Variants in CATSPERD observed in about 807,000 individuals in gnomAD.
CATSPERD encodes the protein cation channel sperm-associated auxiliary subunit delta.
A neutral mutation model predicts 98.1 loss-of-function variants in CATSPERD; 86 were observed. The ratio of observed to expected loss-of-function variants is 0.88; its 90% confidence interval spans 0.74 to 1.05. The LOEUF (loss-of-function observed/expected upper bound fraction) is 1.05, where lower values mean the gene tolerates loss of function less well. Ranked by LOEUF, CATSPERD falls within the 50% of genes least tolerant of loss-of-function variation. CATSPERD has a pLI of 0.00. For synonymous variants in CATSPERD, 394 were observed against 390.2 expected, an observed-to-expected ratio of 1.01 and a Z score of -0.12; for missense variants, 995 against 1,005.7, an observed-to-expected ratio of 0.99 and a Z score of 0.14.
At chr19:5,773,386 C>G (rs1040703746) in intron 20 of CATSPERD, among the ~76,000 whole-genome samples, 1 of 152,156 alleles carries the variant, frequency 6.6e-6, no homozygotes, top group Non-Finnish European at 1.5e-5. Flanking sequence ...ATTTAAGGAA[C>G]TGACCGAAGG....
At chr19:5,770,334 G>A (rs1288622970) in intron 18 of CATSPERD, among the ~76,000 whole-genome samples, 1 of 150,894 alleles carries the variant, frequency 6.6e-6, no homozygotes, top group Non-Finnish European at 1.5e-5. Flanking sequence ...GGAGGCTGAG[G>A]CAAGAGAATC....
intron 16 of CATSPERD, among the ~76,000 whole-genome samples, chr19:5,765,746 A>T (rs915483624): frequency 6.6e-6 from 1 of 152,034 alleles, no homozygotes; most frequent in Admixed American, 6.6e-5. Context: ...CAGGGGGAGG[A>T]TGTTGCAGTG....
Position 5,767,175 on chromosome 19 carries a change from GGC to G in CATSPERD, c.1560-990_1560-989del, listed in dbSNP as rs2056554178. Among the ~76,000 whole-genome samples the G allele has an allele frequency of 2.0e-5, 3 of 150,396 alleles. No individual in the cohort carries two copies. The South Asian group carries it at 6.3e-4, about 32-fold the overall frequency. ...TACTAAAAATACAAAAAATTAGCCG[GGC>G]GCATTGGCGGGTGCCTGTAGTCCCA... On this transcript the variant is annotated intron_variant, in intron 17 of 21. Transcript: ENST00000381624.
intron 17 of CATSPERD, among the ~76,000 whole-genome samples, chr19:5,767,088 C>T (rs1362707416): frequency 1.3e-5 from 2 of 151,044 alleles, no homozygotes; most frequent in African/African-American, 4.8e-5. Context: ...GAGGCCGAGG[C>T]GGGTGGATCA....
chr19:5,762,058 A>ATTT (rs869295948), intron 15 of CATSPERD, among the ~76,000 whole-genome samples: 7 of 10,436 alleles, frequency 6.7e-4, no homozygotes, highest in African/African-American at 9.8e-4. Flanking sequence ...ATATATATAT[A>ATTT]TTTTTTTTTT....
intron 11 of CATSPERD, among the ~76,000 whole-genome samples, chr19:5,749,389 G>A (rs1251890127): frequency 1.3e-5 from 2 of 152,048 alleles, no homozygotes; most frequent in African/African-American, 2.4e-5. Flanking sequence ...TTACACGGGA[G>A]GCTGAGGCAG....
Position 5,728,687 on chromosome 19 carries a change from A to ATC in CATSPERD, c.204-1167_204-1166dup, listed in dbSNP as rs535538690. Among the ~76,000 whole-genome samples the ATC allele has an allele frequency of 6.8e-3, 1,001 of 147,240 alleles. 9 individuals carry two copies. Among genetic ancestry groups the ATC allele is most frequent in the African/African-American group, 0.017 (699 of 40,212 alleles). ...CAGCCTGGATAACATAGCAAGACCC[A>ATC]TCTCTCTCTCTCTCTCTCTTTTTTT... On this transcript the variant is annotated intron_variant, in intron 3 of 21. Transcript: ENST00000381624.
chr19:5,738,366 A>G (rs1049216850), intron 6 of CATSPERD, among the ~76,000 whole-genome samples: 8 of 151,680 alleles, frequency 5.3e-5, no homozygotes, highest in South Asian at 2.1e-4. Flanking sequence ...AAAAAAAAAA[A>G]AAAAGAAAAG....
intron 13 of CATSPERD, among the ~76,000 whole-genome samples, chr19:5,756,088 C>T (rs947398509): frequency 6.6e-6 from 1 of 151,920 alleles, no homozygotes; most frequent in Non-Finnish European, 1.5e-5. Context: ...CAAGATCAGC[C>T]TGGCCAACAT....
chr19:5,771,964 CTTTTTTT>C (rs1460456046), intron 19 of CATSPERD: 2 of 181,644 alleles, frequency 1.1e-5, no homozygotes, highest in African/African-American at 4.8e-5. Flanking sequence ...TTTCTTTTTT[CTTTTTTT>C]CTTTTCTTTT....
chr19:5,747,596 T>C (rs1201499727), intron 9 of CATSPERD, among the ~76,000 whole-genome samples: 1 of 145,156 alleles, frequency 6.9e-6, no homozygotes, highest in African/African-American at 2.5e-5. Flanking sequence ...GGATCTGGTT[T>C]TCTTTTTTCT....
rs2056580334 is a variant in CATSPERD at position 5,768,258 on chromosome 19, C to G, written c.1634+16C>G. 1 of 1,608,720 alleles carries G rather than the reference C, an allele frequency of 6.2e-7. No individual in the cohort carries two copies. Among genetic ancestry groups the G allele is most frequent in the African/African-American group, 1.3e-5 (1 of 74,940 alleles). On this transcript the variant is annotated intron_variant, in intron 18 of 21. Transcript: ENST00000381624. Reference sequence around the variant, plus strand: ...TCATCGAGAAGTAAGCCAGCGTCCCCCCGCAACACCTGACACCCAAGGCGA... The same window carrying G: ...TCATCGAGAAGTAAGCCAGCGTCCCGCCGCAACACCTGACACCCAAGGCGA...
chr19:5,724,784 G>A (rs1315890288), intron 1 of CATSPERD, 24 bp from the exon 2 acceptor site: 2 of 1,610,982 alleles, frequency 1.2e-6, no homozygotes, highest in East Asian at 4.5e-5. Flanking sequence ...AAAATTGACA[G>A]ATGGTCTTTC....
chr19:5,746,112 G>C lies in CATSPERD; in HGVS notation c.808+49G>C, dbSNP rs781695133. 4 of 1,484,496 alleles carry C rather than the reference G, an allele frequency of 2.7e-6. No homozygotes were observed. In the East Asian group the frequency reaches 9.5e-5, roughly 35 times the overall value. The allele number at this position is 1,484,496 out of a possible 1,614,324, so 92.0% of individuals were successfully genotyped here. A position where few individuals can be genotyped will look rare whatever the true frequency, so the allele number is the denominator to read the frequency against. On this transcript the variant is annotated intron_variant, in intron 9 of 21. Transcript: ENST00000381624. The stretch of plus-strand genomic sequence containing the variant: ...GGCTGCCGCCTGGTGGCCTCCTCCA[G>C]AGGGGCCGAGTACAGCCTGGATAAG...
At position 5,745,767 on chromosome 19, in the gene CATSPERD, T is replaced by TA. The variant is rs937049986; in HGVS notation, c.658-139dup. On this transcript the variant is annotated intron_variant, in intron 8 of 21. Transcript: ENST00000381624. ...ACAATAAAGTTGTATTTAATAAAAA[T>TA]AAAAAAAGAAAGGCAGACTTGTGGC... The TA allele has an allele frequency of 6.2e-5, 42 of 682,016 alleles. No individual in the cohort carries two copies. The Middle Eastern group carries it at 1.8e-3, about 30-fold the overall frequency. 42.2% of individuals were successfully genotyped at this position (682,016 alleles called of 1,614,324 possible).
intron 11 of CATSPERD, 135 bp downstream of exon 11, chr19:5,749,318 C>T: frequency 2.1e-6 from 1 of 467,690 alleles, no homozygotes; most frequent in Non-Finnish European, 3.7e-6. Flanking sequence ...ATGGTGAAAC[C>T]CTGTCTCTAC....
intron 13 of CATSPERD, 33 bp from the exon 14 acceptor site, chr19:5,757,810 C>T (rs371365327): frequency 3.2e-6 from 5 of 1,570,916 alleles, no homozygotes; most frequent in South Asian, 1.1e-5. Context: ...CTGCTGGCTC[C>T]GTACAGCCTG....
At chr19:5,743,636 CTCTCTG>C (rs1482928091) in intron 7 of CATSPERD, among the ~76,000 whole-genome samples, 1 of 127,050 alleles carries the variant, frequency 7.9e-6, no homozygotes, top group Non-Finnish European at 1.7e-5. Flanking sequence ...CAGTCTTAGT[CTCTCTG>C]TCTCTGTCTC....
At chr19:5,776,358 C>T (rs375573677) in intron 21 of CATSPERD, 43 bp downstream of exon 21, 1 of 1,601,858 alleles carries the variant, frequency 6.2e-7, no homozygotes. Context: ...ACGCCTGGTG[C>T]CCCTGGGGGC....
Sources: allele counts gnomAD v4.1 joint callset (sites outside exome capture counted in the v4.1 genomes callset), GRCh38; gene constraint gnomAD v4.1.1; transcripts MANE v1.5; gene names NCBI Gene and HGNC (gene_info 2026-07-23, HGNC 2026-07-21).